The following TENM3 variants were observed in gnomAD, a reference collection of about 807,000 sequenced individuals.
TENM3 encodes teneurin transmembrane protein 3, also known as teneurin-3.
Under a neutral mutation model 255.1 loss-of-function variants are expected in TENM3, and 63 were observed. The ratio of observed to expected loss-of-function variants is 0.25; its 90% CI spans 0.20 to 0.30. The LOEUF is 0.30. Among genes scored for constraint, TENM3 ranks in the 10% least tolerant of loss-of-function variants. The pLI is 1.00. For missense variants in TENM3, 2,929 were observed against 3,461.1 expected, an observed-to-expected ratio of 0.85 and a Z score of 3.86; for synonymous variants, 1,306 against 1,322.3, an observed-to-expected ratio of 0.99 and a Z score of 0.27.
chr4:182,495,729 C>T (rs1272338766), intron 3 of TENM3, among the ~76,000 whole-genome samples: 1 of 152,154 alleles, frequency 6.6e-6, no homozygotes, highest in Non-Finnish European at 1.5e-5. Context: ...CCTTCATTTG[C>T]TGAAATGCTT....
chr4:181,860,944 G>A, the TENM3 span, among the ~76,000 whole-genome samples: 6 of 152,172 alleles, frequency 3.9e-5, no homozygotes, highest in South Asian at 4.2e-4. Context: ...CAAAGGTATC[G>A]CTCCAGCATT....
the TENM3 span, among the ~76,000 whole-genome samples, chr4:181,778,953 A>C: frequency 7.2e-5 from 11 of 152,152 alleles, no homozygotes; most frequent in African/African-American, 2.7e-4. Context: ...ATTGCAGAAG[A>C]AGCAGAAGGA....
At chr4:181,891,962 G>C in the TENM3 span, among the ~76,000 whole-genome samples, 3 of 152,148 alleles carry the variant, frequency 2.0e-5, no homozygotes, top group Non-Finnish European at 4.4e-5. Flanking sequence ...GGACTTGACA[G>C]AGGGAATTCA....
At chr4:182,494,143 C>T (rs1009385612) in intron 3 of TENM3, among the ~76,000 whole-genome samples, 6 of 152,042 alleles carry the variant, frequency 3.9e-5, no homozygotes, top group Non-Finnish European at 7.4e-5. Flanking sequence ...TAACCAAAAT[C>T]CTTTTTCTTG....
the TENM3 span, among the ~76,000 whole-genome samples, chr4:181,762,913 G>C: frequency 1.1e-5 from 1 of 92,232 alleles, no homozygotes; most frequent in African/African-American, 4.0e-5. Context: ...TACAGACAGT[G>C]GTAGTAAAAA....
the TENM3 span, among the ~76,000 whole-genome samples, chr4:181,701,097 A>T: frequency 6.6e-6 from 1 of 152,006 alleles, no homozygotes; most frequent in Non-Finnish European, 1.5e-5. Context: ...GTCATACTGG[A>T]GCATTTGTAG....
At chr4:182,737,158 C>A in intron 17 of TENM3, 83 bp downstream of exon 17, 2 of 1,391,632 alleles carry the variant, frequency 1.4e-6, no homozygotes, top group Non-Finnish European at 2.0e-6. Context: ...CCAGGGAAGT[C>A]AGTGGATAAA....
chr4:182,036,691 C>T, the TENM3 span, among the ~76,000 whole-genome samples: 1 of 152,194 alleles, frequency 6.6e-6, no homozygotes, highest in Non-Finnish European at 1.5e-5. Flanking sequence ...CACTCGCACA[C>T]ATTTTGGAAA....
the TENM3 span, among the ~76,000 whole-genome samples, chr4:181,919,877 T>TC: frequency 1.1e-5 from 1 of 87,342 alleles, no homozygotes; most frequent in Admixed American, 1.5e-4. Flanking sequence ...ATGCTATCCC[T>TC]CCCCCCTCCC....
chr4:182,527,017 A>AT (rs1341990420), intron 3 of TENM3, among the ~76,000 whole-genome samples: 1 of 151,840 alleles, frequency 6.6e-6, no homozygotes, highest in East Asian at 1.9e-4. Context: ...ATCTGCTGGT[A>AT]TGTATAATAC....
At chr4:181,746,464 G>T in the TENM3 span, among the ~76,000 whole-genome samples, 1 of 152,088 alleles carries the variant, frequency 6.6e-6, no homozygotes, top group Non-Finnish European at 1.5e-5. Flanking sequence ...TGATTACAAA[G>T]AATGGCTATA....
chr4:182,708,992 T>G (rs1216007556), intron 12 of TENM3, among the ~76,000 whole-genome samples: 5 of 152,100 alleles, frequency 3.3e-5, no homozygotes, highest in African/African-American at 4.8e-5. Flanking sequence ...TTTTGTGGTT[T>G]TTTATTTTGA....
chr4:182,235,907 T>TA (rs1364373344), intron 1 of TENM3, among the ~76,000 whole-genome samples: 1 of 152,218 alleles, frequency 6.6e-6, no homozygotes, highest in Non-Finnish European at 1.5e-5. Context: ...CAAAGCAGTC[T>TA]AAAAAATCCC....
At chr4:182,772,492 T>C (rs1038740071) in intron 22 of TENM3, 3 of 152,098 alleles carry the variant, frequency 2.0e-5, no homozygotes, top group Non-Finnish European at 4.4e-5. Flanking sequence ...CAATCTGAAA[T>C]CCACCCTTTA....
At chr4:182,073,887 A>T in the TENM3 span, among the ~76,000 whole-genome samples, 1 of 152,006 alleles carries the variant, frequency 6.6e-6, no homozygotes, top group Admixed American at 6.6e-5. Context: ...CTTTGTTCAC[A>T]GAATTGGCAC....
chr4:182,790,433 C>T (rs538366241), intron 25 of TENM3, among the ~76,000 whole-genome samples: 35 of 152,322 alleles, frequency 2.3e-4, no homozygotes, highest in African/African-American at 7.9e-4. Context: ...CAGTCTAAAC[C>T]TAACCCCCTG....
intron 1 of TENM3, among the ~76,000 whole-genome samples, chr4:182,191,885 G>A (rs1325352862): frequency 7.2e-5 from 11 of 152,004 alleles, no homozygotes; most frequent in Admixed American, 7.2e-4. Context: ...TCCCCAGTTG[G>A]TTACTGTTTT....
At chr4:182,581,853 A>G (rs1296617437) in intron 3 of TENM3, among the ~76,000 whole-genome samples, 1 of 152,134 alleles carries the variant, frequency 6.6e-6, no homozygotes, top group Admixed American at 6.5e-5. Flanking sequence ...AAAAGGAATG[A>G]TATCTAGAGT....
the TENM3 span, among the ~76,000 whole-genome samples, chr4:181,698,622 C>T: frequency 6.6e-6 from 1 of 152,122 alleles, no homozygotes; most frequent in African/African-American, 2.4e-5. Flanking sequence ...AAAAATACAA[C>T]ACTGTAATGG....
Sources: allele counts gnomAD v4.1 joint callset (sites outside exome capture counted in the v4.1 genomes callset), GRCh38; gene constraint gnomAD v4.1.1; transcripts MANE v1.5; gene names NCBI Gene and HGNC (gene_info 2026-07-23, HGNC 2026-07-21).